PPEF1: variants seen among roughly 807,000 people sequenced by gnomAD.
The protein encoded by PPEF1 is protein phosphatase with EF-hand domain 1, also known as serine/threonine-protein phosphatase with EF-hands 1.
A neutral mutation model predicts 53.3 loss-of-function variants in PPEF1; 12 were observed. The observed-to-expected ratio is 0.23, with a 90% CI of 0.14 to 0.36. The LOEUF is 0.36. PPEF1 is among the 10% of genes least tolerant of loss of function. PPEF1 has a pLI of 1.00. For missense variants in PPEF1, 334 were observed against 490.4 expected, an observed-to-expected ratio of 0.68 and a Z score of 3.01; for synonymous variants, 165 against 176.7, an observed-to-expected ratio of 0.93 and a Z score of 0.52.
intron 5 of PPEF1, among the ~76,000 whole-genome samples, chrX:18,758,095 G>C (rs1433518381): frequency 2.7e-5 from 3 of 111,575 alleles, no homozygotes; most frequent in African/African-American, 9.8e-5. Flanking sequence ...ACTTGTGCTG[G>C]GAAGAGAAAA....
intron 7 of PPEF1, among the ~76,000 whole-genome samples, chrX:18,780,621 G>C (rs1290319550): frequency 1.8e-5 from 2 of 111,898 alleles, no homozygotes; most frequent in Non-Finnish European, 3.8e-5. Flanking sequence ...CAATTAGGAA[G>C]TAGTTGAAGG....
At chrX:18,696,413 A>G (rs2147253893) in intron 4 of PPEF1, among the ~76,000 whole-genome samples, 1 of 108,593 alleles carries the variant, frequency 9.2e-6, no homozygotes, top group African/African-American at 3.3e-5. Flanking sequence ...TCAGCCTCCC[A>G]AAGTGCTGGG....
At chrX:18,686,593 G>A (rs751793725) in intron 3 of PPEF1, among the ~76,000 whole-genome samples, 56 of 111,164 alleles carry the variant, frequency 5.0e-4, no homozygotes, top group African/African-American at 1.8e-3. Flanking sequence ...CGCGCTTAGA[G>A]TTGGGGGCTG....
intron 11 of PPEF1, 78 bp from the exon 12 acceptor site, chrX:18,806,325 T>G: frequency 9.8e-6 from 10 of 1,025,304 alleles, no homozygotes; most frequent in South Asian, 4.7e-5. Context: ...TTTTAAGAAT[T>G]GAGCTATTTC....
At chrX:18,744,519 G>C (rs2045279534) in intron 3 of PPEF1, among the ~76,000 whole-genome samples, 1 of 111,931 alleles carries the variant, frequency 8.9e-6, no homozygotes. Flanking sequence ...AGCCGAAGCT[G>C]CCATACATAG....
At chrX:18,733,688 A>T in intron 2 of PPEF1, 60 bp from the exon 3 acceptor site, 1 of 970,857 alleles carries the variant, frequency 1.0e-6, no homozygotes, top group Non-Finnish European at 1.4e-6. Flanking sequence ...CACCAACAGC[A>T]TTTGTCACAG....
At chrX:18,824,340 T>C (rs1241262536) in intron 14 of PPEF1, among the ~76,000 whole-genome samples, 2 of 110,876 alleles carry the variant, frequency 1.8e-5, no homozygotes, top group Non-Finnish European at 3.8e-5. Context: ...CTCAAGAGGC[T>C]GAGGCAGGAG....
At chrX:18,780,698 A>T (rs1206126089) in intron 7 of PPEF1, among the ~76,000 whole-genome samples, 2 of 110,957 alleles carry the variant, frequency 1.8e-5, no homozygotes, top group South Asian at 7.7e-4. Flanking sequence ...AAAGAAATAG[A>T]TTCAAGAGGA....
chrX:18,702,320 G>T (rs1413728511), intron 6 of PPEF1, among the ~76,000 whole-genome samples: 1 of 110,302 alleles, frequency 9.1e-6, no homozygotes, highest in Admixed American at 9.9e-5. Flanking sequence ...TGGGGGTAGA[G>T]GGTGTTGGTA....
At chrX:18,689,437 G>A (rs375109256) in intron 3 of PPEF1, among the ~76,000 whole-genome samples, 79 of 105,664 alleles carry the variant, frequency 7.5e-4, no homozygotes, top group African/African-American at 2.1e-3. Flanking sequence ...AGCTATGATC[G>A]CGCCACTGCA....
rs372228932 is a variant in PPEF1 at position 18,807,019 on chromosome X, G to GT, written c.1394+482dup. On this transcript the variant is annotated intron_variant, in intron 12 of 15. Coordinates refer to ENST00000470157, the MANE Select transcript of PPEF1 (RefSeq NM_001377996.1). Reference sequence around the variant, plus strand: ...GTTTTTTTTGGTTTTTTTTTTGTTTGTTTTTTTTCATTTGTTTTTTGTTTT... The same window carrying GT: ...GTTTTTTTTGGTTTTTTTTTTGTTTGTTTTTTTTTCATTTGTTTTTTGTTTT... Among the ~76,000 whole-genome samples the GT allele has an allele frequency of 9.6e-4, 96 of 100,439 alleles. 1 individual carries two copies. In the East Asian group the frequency reaches 0.023, roughly 24 times the overall value. The allele number at this position is 100,439 out of a possible 115,157, so 87.2% of individuals were successfully genotyped here. A position where few individuals can be genotyped will look rare whatever the true frequency, so the allele number is the denominator to read the frequency against.
intron 1 of PPEF1, among the ~76,000 whole-genome samples, chrX:18,728,156 CCT>C (rs1358781857): frequency 9.2e-6 from 1 of 108,389 alleles, no homozygotes; most frequent in Admixed American, 9.9e-5. Context: ...TGGATGAAAA[CCT>C]CTCTCTCTCT....
Position 18,733,744 on chromosome X carries a change from C to A in PPEF1, c.175-4C>A. On this transcript the variant is annotated splice_polypyrimidine_tract_variant and splice_region_variant and intron_variant, in intron 2 of 15. Transcript: ENST00000470157. Reference sequence around the variant, plus strand: ...ATTGATTAATTTTTTTTTATTTTGTCCAGTTATCCACCTTCTTTTCCTTCA... The same window carrying A: ...ATTGATTAATTTTTTTTTATTTTGTACAGTTATCCACCTTCTTTTCCTTCA... 8.5e-7 allele frequency: 1 copy of A among 1,181,376 alleles called. No homozygotes were observed. The highest frequency in any genetic ancestry group is 2.3e-5 in the Admixed American group (1 of 42,908).
At chrX:18,810,149 A>T (rs2046777200) in intron 12 of PPEF1, among the ~76,000 whole-genome samples, 1 of 108,380 alleles carries the variant, frequency 9.2e-6, no homozygotes, top group Non-Finnish European at 1.9e-5. Flanking sequence ...TTTTAATGTA[A>T]GATTTTACAA....
At chrX:18,720,858 G>A (rs1468283004) in intron 1 of PPEF1, among the ~76,000 whole-genome samples, 1 of 110,463 alleles carries the variant, frequency 9.1e-6, no homozygotes, top group Non-Finnish European at 1.9e-5. Flanking sequence ...CTGAGCCCCA[G>A]AAACCCCCTC....
intron 6 of PPEF1, among the ~76,000 whole-genome samples, chrX:18,776,186 G>A (rs912831771): frequency 9.2e-6 from 1 of 108,784 alleles, no homozygotes; most frequent in African/African-American, 3.4e-5. Context: ...GATCAGAGAT[G>A]CAGAATCCTT....
upstream of PPEF1, among the ~76,000 whole-genome samples, chrX:18,705,341 T>C (rs1443921860): frequency 1.8e-5 from 2 of 111,845 alleles, no homozygotes; most frequent in Non-Finnish European, 3.8e-5. Flanking sequence ...ACAGGGCTCA[T>C]CCTGCCCTTG....
chrX:18,771,728 G>A (rs2045873089), intron 6 of PPEF1, among the ~76,000 whole-genome samples: 1 of 111,579 alleles, frequency 9.0e-6, no homozygotes, highest in South Asian at 3.7e-4. Flanking sequence ...ATAGCCTACT[G>A]TTGACTGGAA....
chrX:18,752,589 C>T (rs1295641151), intron 4 of PPEF1, among the ~76,000 whole-genome samples: 1 of 111,156 alleles, frequency 9.0e-6, no homozygotes, highest in African/African-American at 3.3e-5. Context: ...AGGGGGAAAG[C>T]TTTCAATCTT....
Sources: gnomAD v4.1 joint callset for allele counts (sites outside exome capture counted in the v4.1 genomes callset) on GRCh38, gnomAD v4.1.1 for gene constraint, MANE v1.5 for transcripts, NCBI Gene and HGNC (gene_info 2026-07-23, HGNC 2026-07-21) for gene names.